The following TMEM132C variants were observed in gnomAD, a reference collection of about 807,000 sequenced individuals.
The protein encoded by TMEM132C is protein phosphatase 1, regulatory subunit 152.
Under a neutral mutation model 61.4 loss-of-function variants are expected in TMEM132C, and 29 were observed. The ratio of observed to expected loss-of-function variants is 0.47; its 90% CI spans 0.35 to 0.64. The LOEUF (loss-of-function observed/expected upper bound fraction) is 0.64, where lower values mean the gene tolerates loss of function less well. TMEM132C is among the 30% of genes least tolerant of loss of function. The pLI is 0.00. For missense variants in TMEM132C, 1,408 were observed against 1,476.9 expected (o/e 0.95, Z 0.76); for synonymous variants, 656 against 633.1 (o/e 1.04, Z -0.54).
At chr12:128,354,875 C>T (rs1350783848) in intron 1 of TMEM132C, among the ~76,000 whole-genome samples, 1 of 152,182 alleles carries the variant, frequency 6.6e-6, no homozygotes, top group Non-Finnish European at 1.5e-5. Flanking sequence ...CAGACATTAT[C>T]ACCAGGTAGC....
chr12:128,660,637 G>A (rs138462919), intron 4 of TMEM132C, among the ~76,000 whole-genome samples: 166 of 152,280 alleles, frequency 1.1e-3, no homozygotes, highest in African/African-American at 3.9e-3. Context: ...TCAAGGATGG[G>A]GATCAGCTTC....
chr12:128,516,899 G>A (rs983261518), intron 2 of TMEM132C, among the ~76,000 whole-genome samples: 6 of 151,854 alleles, frequency 4.0e-5, no homozygotes, highest in African/African-American at 1.5e-4. Context: ...GGGCAACAGA[G>A]TGAGACCCTG....
At chr12:128,695,267 C>T (rs1954750741) in intron 6 of TMEM132C, among the ~76,000 whole-genome samples, 1 of 152,126 alleles carries the variant, frequency 6.6e-6, no homozygotes, top group Non-Finnish European at 1.5e-5. Context: ...GGACTGTAAT[C>T]CCAGCACTTT....
rs554133388 is a variant in TMEM132C at position 128,296,174 on chromosome 12, C to T, written c.85+28687C>T. On this transcript the variant is annotated intron_variant, in intron 1 of 8. Transcript: ENST00000435159. Reference sequence around the variant, plus strand: ...CCAGGAGACAGGACTCAGGGCCTATCCAGCATTGAGACCTGAGTTTCCCAA... The same window carrying T: ...CCAGGAGACAGGACTCAGGGCCTATTCAGCATTGAGACCTGAGTTTCCCAA... Among the ~76,000 whole-genome samples, 13 of 152,280 alleles carry T rather than the reference C, an allele frequency of 8.5e-5. No individual in the cohort carries two copies. The South Asian group carries it at 2.3e-3, about 27-fold the overall frequency.
At chr12:128,548,444 G>T (rs1874040497) in intron 3 of TMEM132C, among the ~76,000 whole-genome samples, 1 of 152,166 alleles carries the variant, frequency 6.6e-6, no homozygotes, top group African/African-American at 2.4e-5. Context: ...CTCTCCACTT[G>T]TGAACTGGCT....
In TMEM132C at chr12:128,705,230, G is replaced by C. The variant is rs2135663670; in HGVS notation, c.2262G>C (p.Arg754Ser). The stretch of plus-strand genomic sequence containing the variant: ...CAGTCCCCCAGCCCCGCTCTCCCAG[G>C]TGGCCCGTTGTGGTGGCCGAAGGGG... ...VVSVPQPRSP[R>S]WPVVVAEGEG... Residue 754 changes from arginine (R) to serine (S), a missense_variant, in exon 9 of 9, where the codon AGG becomes AGC. Transcript: ENST00000435159. 1 of 1,551,684 alleles carries C rather than the reference G, an allele frequency of 6.4e-7. No homozygotes were observed. The highest frequency in any genetic ancestry group is 1.4e-5 in the African/African-American group (1 of 73,176).
At chr12:128,368,330 T>C (rs1873931192) in intron 1 of TMEM132C, among the ~76,000 whole-genome samples, 2 of 152,202 alleles carry the variant, frequency 1.3e-5, no homozygotes, top group African/African-American at 4.8e-5. Context: ...AGCGCAGTGG[T>C]TATGACTGCC....
intron 2 of TMEM132C, among the ~76,000 whole-genome samples, chr12:128,493,600 C>A (rs916400433): frequency 2.6e-5 from 4 of 152,106 alleles, no homozygotes; most frequent in African/African-American, 9.7e-5. Flanking sequence ...GTATTTTATT[C>A]TCTTTGAAGC....
At chr12:128,340,831 C>CTT (rs1872939943) in intron 1 of TMEM132C, among the ~76,000 whole-genome samples, 2 of 128,238 alleles carry the variant, frequency 1.6e-5, no homozygotes, top group Non-Finnish European at 3.1e-5. Flanking sequence ...TTCTGTCTTT[C>CTT]TCTCTCTCTC....
chr12:128,490,396 G>C (rs1221954482), intron 2 of TMEM132C, among the ~76,000 whole-genome samples: 1 of 152,146 alleles, frequency 6.6e-6, no homozygotes, highest in Non-Finnish European at 1.5e-5. Flanking sequence ...ATGGCTCCCA[G>C]ACAATGTGAA....
chr12:128,646,502 TTACTGGAGTCC>T, intron 4 of TMEM132C, among the ~76,000 whole-genome samples: 1 of 145,372 alleles, frequency 6.9e-6, no homozygotes, highest in African/African-American at 2.8e-5. Context: ...GTGAGTGTGT[TTACTGGAGTCC>T]ATCAGCGCTG....
chr12:128,509,825 C>T (rs1189292359), intron 2 of TMEM132C, among the ~76,000 whole-genome samples: 2 of 152,066 alleles, frequency 1.3e-5, no homozygotes, highest in Non-Finnish European at 2.9e-5. Flanking sequence ...GGCCAGTGAG[C>T]CTTTCTGTAC....
intron 4 of TMEM132C, among the ~76,000 whole-genome samples, chr12:128,649,730 G>A (rs1181063495): frequency 1.3e-5 from 2 of 152,134 alleles, no homozygotes; most frequent in Non-Finnish European, 2.9e-5. Flanking sequence ...AGGCAAGTTG[G>A]TGCCACTTAG....
At chr12:128,361,561 A>G (rs766397911) in intron 1 of TMEM132C, among the ~76,000 whole-genome samples, 2 of 152,194 alleles carry the variant, frequency 1.3e-5, no homozygotes, top group Non-Finnish European at 2.9e-5. Context: ...GGAAAAGAGT[A>G]CACAGTGATT....
chr12:128,703,175 A>G (rs1954815055), intron 8 of TMEM132C, among the ~76,000 whole-genome samples: 1 of 151,964 alleles, frequency 6.6e-6, no homozygotes, highest in Non-Finnish European at 1.5e-5. Flanking sequence ...CTTCAGGGGT[A>G]CCTGTGCAGG....
At chr12:128,493,353 G>A (rs1260105616) in intron 2 of TMEM132C, among the ~76,000 whole-genome samples, 3 of 152,174 alleles carry the variant, frequency 2.0e-5, no homozygotes, top group East Asian at 1.9e-4. Context: ...GGTTCCATAT[G>A]AACTTTAAAG....
chr12:128,586,459 C>G (rs1048404106), intron 3 of TMEM132C, among the ~76,000 whole-genome samples: 2 of 151,964 alleles, frequency 1.3e-5, no homozygotes, highest in South Asian at 4.1e-4. Flanking sequence ...CTTTGCAAGA[C>G]TAGAATTCTC....
intron 3 of TMEM132C, among the ~76,000 whole-genome samples, chr12:128,583,863 G>T (rs1305626744): frequency 6.6e-6 from 1 of 152,228 alleles, no homozygotes; most frequent in African/African-American, 2.4e-5. Context: ...TTTCACTCCT[G>T]CAGAGAAAAA....
intron 1 of TMEM132C, among the ~76,000 whole-genome samples, chr12:128,355,434 AG>A (rs1873472638): frequency 6.6e-6 from 1 of 152,020 alleles, no homozygotes; most frequent in African/African-American, 2.4e-5. Context: ...AGAATCATCT[AG>A]GTGTTCTCAG....
Sources: gnomAD v4.1 joint callset for allele counts (sites outside exome capture counted in the v4.1 genomes callset) on GRCh38, gnomAD v4.1.1 for gene constraint, MANE v1.5 for transcripts, NCBI Gene and HGNC (gene_info 2026-07-23, HGNC 2026-07-21) for gene names.